DSCAM: variants seen among roughly 807,000 people sequenced by gnomAD.
DSCAM encodes the protein DS cell adhesion molecule, also known as cell adhesion molecule DSCAM.
Under a neutral mutation model 217.7 loss-of-function variants are expected in DSCAM, and 47 were observed. The observed-to-expected ratio is 0.22, with a 90% CI of 0.17 to 0.28. The LOEUF (loss-of-function observed/expected upper bound fraction) is 0.28, where lower values mean the gene tolerates loss of function less well. Among genes scored for constraint, DSCAM ranks in the 10% least tolerant of loss-of-function variants. The pLI is 1.00. For synonymous variants in DSCAM, 1,056 were observed against 1,015.3 expected (o/e 1.04, Z -0.76); for missense variants, 2,080 against 2,618.3 (o/e 0.79, Z 4.49).
At chr21:40,151,937 T>G (rs1053139459) in intron 16 of DSCAM, among the ~76,000 whole-genome samples, 4 of 152,182 alleles carry the variant, frequency 2.6e-5, no homozygotes, top group Non-Finnish European at 5.9e-5. Context: ...TTGGACACTG[T>G]CATTCATTTT....
At chr21:40,122,022 T>C (rs1449427076) in intron 20 of DSCAM, among the ~76,000 whole-genome samples, 2 of 152,048 alleles carry the variant, frequency 1.3e-5, no homozygotes, top group Non-Finnish European at 2.9e-5. Flanking sequence ...TGAGAGTGTG[T>C]TGTTAAGATC....
intron 3 of DSCAM, among the ~76,000 whole-genome samples, chr21:40,420,119 A>C (rs16999751): frequency 0.014 from 2,197 of 152,324 alleles, 64 homozygotes; most frequent in African/African-American, 0.05. Flanking sequence ...TTTGTAGCTC[A>C]AGAAAACTCA....
At chr21:40,635,682 G>A (rs533154626) in intron 3 of DSCAM, among the ~76,000 whole-genome samples, 24 of 152,320 alleles carry the variant, frequency 1.6e-4, no homozygotes, top group African/African-American at 5.8e-4. Context: ...TCTTTTATAA[G>A]CAAATGGGAG....
At chr21:40,224,535 GGA>G (rs2091314764) in intron 11 of DSCAM, among the ~76,000 whole-genome samples, 2 of 152,132 alleles carry the variant, frequency 1.3e-5, no homozygotes, top group Non-Finnish European at 2.9e-5. Flanking sequence ...TCTATGATGG[GGA>G]AAGACTGCTT....
At chr21:40,805,649 C>T (rs1164085257) in intron 1 of DSCAM, among the ~76,000 whole-genome samples, 2 of 152,288 alleles carry the variant, frequency 1.3e-5, no homozygotes, top group East Asian at 3.9e-4. Context: ...GCCTGTTGTC[C>T]TGACACTCAG....
intron 1 of DSCAM, among the ~76,000 whole-genome samples, chr21:40,789,322 T>G (rs1442805244): frequency 1.3e-5 from 2 of 151,624 alleles, no homozygotes; most frequent in Admixed American, 6.6e-5. Flanking sequence ...ATCTTTTGGC[T>G]CCAAAGAAAA....
At chr21:40,173,819 C>T (rs900022824) in intron 15 of DSCAM, among the ~76,000 whole-genome samples, 2 of 152,290 alleles carry the variant, frequency 1.3e-5, no homozygotes, top group African/African-American at 2.4e-5. Flanking sequence ...AGTGACTCTG[C>T]ATCATGACCC....
At chr21:40,180,002 C>T (rs1056593216) in intron 14 of DSCAM, among the ~76,000 whole-genome samples, 1 of 152,210 alleles carries the variant, frequency 6.6e-6, no homozygotes, top group Non-Finnish European at 1.5e-5. Flanking sequence ...TGGTGGTGCT[C>T]ACCACACAAG....
intron 3 of DSCAM, among the ~76,000 whole-genome samples, chr21:40,589,908 C>CT: frequency 6.6e-6 from 1 of 152,288 alleles, no homozygotes; most frequent in South Asian, 2.1e-4. Context: ...AACTGGCTCA[C>CT]TTTTTTTAAT....
intron 11 of DSCAM, among the ~76,000 whole-genome samples, chr21:40,249,419 T>C (rs1254073321): frequency 6.6e-6 from 1 of 152,198 alleles, no homozygotes; most frequent in Non-Finnish European, 1.5e-5. Context: ...GCCGCTGCCA[T>C]GTAAGAAGTG....
intron 3 of DSCAM, among the ~76,000 whole-genome samples, chr21:40,449,140 T>C (rs1237497977): frequency 1.3e-5 from 2 of 152,176 alleles, no homozygotes; most frequent in South Asian, 2.1e-4. Context: ...TCTGACTATG[T>C]CTGAAAAAGG....
chr21:40,025,978 G>A (rs1255599020), intron 32 of DSCAM, among the ~76,000 whole-genome samples: 3 of 145,912 alleles, frequency 2.1e-5, no homozygotes, highest in Admixed American at 6.9e-5. Flanking sequence ...TGTCAATTTT[G>A]GATCTTTCCT....
At chr21:40,289,527 A>G (rs2073865673) in intron 10 of DSCAM, among the ~76,000 whole-genome samples, 1 of 152,210 alleles carries the variant, frequency 6.6e-6, no homozygotes, top group Non-Finnish European at 1.5e-5. Context: ...ACCTGAGGTC[A>G]ATTACAGTCT....
Position 40,427,576 on chromosome 21 carries a change from C to T in DSCAM, c.509-58331G>A, listed in dbSNP as rs144456842. ...ACATTCAGAATCCCTGGCCTTCCCTCTGTGAATGAAACCTCAGCTCCCTTA... is the reference window on the plus strand; with the variant it reads ...ACATTCAGAATCCCTGGCCTTCCCTTTGTGAATGAAACCTCAGCTCCCTTA... On this transcript the variant is annotated intron_variant, in intron 3 of 32. Transcript: ENST00000400454. Among the ~76,000 whole-genome samples the T allele has an allele frequency of 9.1e-3, 1,386 of 152,322 alleles. 25 individuals carry two copies. The highest frequency in any genetic ancestry group is 0.031 in the African/African-American group (1,299 of 41,558).
Position 40,012,337 on chromosome 21 carries a change from G to C in DSCAM, c.*697C>G, listed in dbSNP as rs185916386. On this transcript the variant is annotated 3_prime_UTR_variant, in exon 33 of 33. Coordinates refer to ENST00000400454, the MANE Select transcript of DSCAM (RefSeq NM_001389.5). Reference sequence around the variant, plus strand: ...TGAATTGGGCTCTGGGTTCAGGCCTGGTGTTTCCAAACAGAAGTGTCAATG... The same window carrying C: ...TGAATTGGGCTCTGGGTTCAGGCCTCGTGTTTCCAAACAGAAGTGTCAATG... The C allele has an allele frequency of 1.3e-5, 2 of 152,160 alleles. No individual in the cohort carries two copies. Among genetic ancestry groups the C allele is most frequent in the Non-Finnish European group, 1.5e-5 (1 of 68,028 alleles). 9.4% of individuals were successfully genotyped at this position (152,160 alleles called of 1,614,324 possible).
chr21:40,190,186 C>T (rs1601424951), intron 11 of DSCAM, among the ~76,000 whole-genome samples: 1 of 152,120 alleles, frequency 6.6e-6, no homozygotes, highest in African/African-American at 2.4e-5. Flanking sequence ...TTTCCCACAT[C>T]AAAATTAAAA....
At chr21:40,311,621 A>C (rs1183371354) in intron 9 of DSCAM, among the ~76,000 whole-genome samples, 1 of 152,232 alleles carries the variant, frequency 6.6e-6, no homozygotes, top group East Asian at 1.9e-4. Context: ...ACATTTCTAA[A>C]ACTAAAACAA....
chr21:40,145,632 G>A (rs2090346127), intron 16 of DSCAM, among the ~76,000 whole-genome samples: 1 of 151,780 alleles, frequency 6.6e-6, no homozygotes, highest in Admixed American at 6.6e-5. Context: ...ATCACTTGAG[G>A]TCAGGAGTTC....
At chr21:40,614,736 A>G (rs2089365440) in intron 3 of DSCAM, among the ~76,000 whole-genome samples, 1 of 152,216 alleles carries the variant, frequency 6.6e-6, no homozygotes, top group South Asian at 2.1e-4. Context: ...ATGAGATGGA[A>G]TACCATGCGG....
Sources: gnomAD v4.1 joint callset for allele counts (sites outside exome capture counted in the v4.1 genomes callset) on GRCh38, gnomAD v4.1.1 for gene constraint, MANE v1.5 for transcripts, NCBI Gene and HGNC (gene_info 2026-07-23, HGNC 2026-07-21) for gene names.